The following KLHL14 variants were observed in gnomAD, a reference collection of about 807,000 sequenced individuals.
The protein encoded by KLHL14 is kelch like family member 14.
KLHL14 carries 22 observed loss-of-function variants against 64.3 expected under a neutral mutation model. The observed-to-expected ratio is 0.34, with a 90% CI of 0.24 to 0.49. KLHL14 has a LOEUF of 0.49. Among genes scored for constraint, KLHL14 ranks in the 20% least tolerant of loss-of-function variants. The probability of loss-of-function intolerance (pLI) is 0.99; values close to 1 mark genes in which losing one functional copy is unlikely to be tolerated. For synonymous variants in KLHL14, 322 were observed against 333.4 expected (o/e 0.97, Z 0.37); for missense variants, 661 against 789.0 (o/e 0.84, Z 1.94).
At chr18:32,704,544 G>A (rs755865791) in intron 3 of KLHL14, among the ~76,000 whole-genome samples, 18 of 152,020 alleles carry the variant, frequency 1.2e-4, no homozygotes, top group Non-Finnish European at 2.6e-4. Flanking sequence ...CTAACATGGT[G>A]AAACCCTGTC....
rs556523432 is a variant in KLHL14, at chr18:32,741,777, C to T, written c.1069+151G>A. On this transcript the variant is annotated intron_variant, in intron 3 of 8. Coordinates refer to ENST00000359358, the MANE Select transcript of KLHL14 (RefSeq NM_020805.3). ...TCTGCAATGTTAATTTAGTTTTTTA[C>T]TCTAAATCCCCGGTGATACATAAAC... 1.3e-5 allele frequency: 12 copies of T among 956,458 alleles called. No individual in the cohort carries two copies. In the East Asian group the frequency reaches 3.1e-4, roughly 25 times the overall value. The allele number at this position is 956,458 out of a possible 1,614,324, so 59.2% of individuals were successfully genotyped here.
chr18:32,737,667 G>A (rs543738391), intron 3 of KLHL14: 176 of 152,218 alleles, frequency 1.2e-3, no homozygotes, highest in African/African-American at 4.1e-3. Flanking sequence ...CCAGACACAG[G>A]ACCCCTCCTA....
rs202014983 is a variant in KLHL14, at chr18:32,699,551, G to A, written c.1070-3999C>T. Among the ~76,000 whole-genome samples the A allele has an allele frequency of 4.6e-5, 7 of 152,102 alleles. No homozygotes were observed. The East Asian group carries it at 1.2e-3, about 25-fold the overall frequency. ...AGTCACTTGTTGAAGGTCAGACTCA[G>A]GTACCGAACGGCAGAGATAGAATCC... On this transcript the variant is annotated intron_variant, in intron 3 of 8. Transcript: ENST00000359358.
Position 32,770,755 on chromosome 18 carries a change from A to C in KLHL14, c.-43-121T>G. On this transcript the variant is annotated intron_variant, in intron 1 of 8. Coordinates refer to ENST00000359358, the MANE Select transcript of KLHL14 (RefSeq NM_020805.3). This position sits in a 1 kb window ranked among gnomAD's most constrained non-coding sequence, Gnocchi z 6.7. ...GGGCGAAGAACAAGAATCAAGGCTC[A>C]GCTTGACTCCCTCCTGGCGCGCTCC... The C allele has an allele frequency of 1.6e-6, 1 of 611,722 alleles. No individual in the cohort carries two copies. The allele number at this position is 611,722 out of a possible 1,614,324, so 37.9% of individuals were successfully genotyped here.
intron 3 of KLHL14, among the ~76,000 whole-genome samples, chr18:32,708,162 A>C (rs2049999791): frequency 6.6e-6 from 1 of 152,160 alleles, no homozygotes; most frequent in African/African-American, 2.4e-5. Flanking sequence ...TTTCTGACAA[A>C]CTGCTTCTGG....
At chr18:32,688,939 T>A (rs1457081087) in intron 4 of KLHL14, among the ~76,000 whole-genome samples, 1 of 152,142 alleles carries the variant, frequency 6.6e-6, no homozygotes, top group Non-Finnish European at 1.5e-5. Context: ...GAGTTTTAAA[T>A]CTGTTGTGCA....
In KLHL14 at chr18:32,725,706, A is replaced by C. The variant is rs561046133; in HGVS notation, c.1069+16222T>G. Among the ~76,000 whole-genome samples the C allele has an allele frequency of 2.0e-5, 3 of 152,326 alleles. No individual in the cohort carries two copies. The South Asian group carries it at 6.2e-4, about 32-fold the overall frequency. On this transcript the variant is annotated intron_variant, in intron 3 of 8. Coordinates refer to ENST00000359358, the MANE Select transcript of KLHL14 (RefSeq NM_020805.3). ...ATCTGCCCTCATGTTGCTGACAGAG[A>C]AAGTGTTTCTTTTATATTCAGAATA...
In KLHL14 at chr18:32,769,825, T is replaced by C; in HGVS notation, c.767A>G (p.Tyr256Cys). Residue 256 changes from tyrosine to cysteine, a missense_variant, in exon 2 of 9, where the codon TAT becomes TGT. By Grantham distance (194) the Tyr-to-Cys change is radical. Coordinates refer to ENST00000359358, the MANE Select transcript of KLHL14 (RefSeq NM_020805.3). ...GAGGCGCTTCATGAGGTCAGGCGCA[T>C]ACTGCATGCGGGTCTCGCGGTCGTG... ...LEHDRETRMQ[Y>C]APDLMKRLRF... 4 of 1,613,660 alleles carry C rather than the reference T, an allele frequency of 2.5e-6. No individual in the cohort carries two copies. Among genetic ancestry groups the C allele is most frequent in the Middle Eastern group, 3.3e-4 (2 of 6,062 alleles).
At chr18:32,681,501 C>A (rs1478562599) in intron 5 of KLHL14, among the ~76,000 whole-genome samples, 1 of 152,000 alleles carries the variant, frequency 6.6e-6, no homozygotes, top group African/African-American at 2.4e-5. Context: ...AAACAGCAGT[C>A]AAAAATTGGG....
intron 3 of KLHL14, chr18:32,737,387 C>T (rs1425656779): frequency 6.6e-6 from 1 of 152,052 alleles, no homozygotes; most frequent in African/African-American, 2.4e-5. Context: ...AACAGAAGGG[C>T]CAAGGAAAGA....
chr18:32,721,744 T>TA (rs1346812328), intron 3 of KLHL14, among the ~76,000 whole-genome samples: 1 of 152,172 alleles, frequency 6.6e-6, no homozygotes, highest in African/African-American at 2.4e-5. Context: ...TTCTCCAGTG[T>TA]AAACAAAGTT....
rs752484932 is a variant in KLHL14 at position 32,695,569 on chromosome 18, A to C, written c.1070-17T>G. 7 of 1,517,142 alleles carry C rather than the reference A, an allele frequency of 4.6e-6. No homozygotes were observed. The East Asian group carries it at 1.6e-4, about 34-fold the overall frequency. 94.0% of individuals were successfully genotyped at this position (1,517,142 alleles called of 1,614,324 possible). A position where few individuals can be genotyped will look rare whatever the true frequency, so the allele number is the denominator to read the frequency against. On this transcript the variant is annotated splice_polypyrimidine_tract_variant and intron_variant, in intron 3 of 8. Coordinates refer to ENST00000359358, the MANE Select transcript of KLHL14 (RefSeq NM_020805.3). ...ATGGCATAACTGAAATTAAGAAAAA[A>C]AAAAAAGACATATGAAATTTTCCAT...
intron 4 of KLHL14, among the ~76,000 whole-genome samples, chr18:32,692,558 T>C (rs1366466238): frequency 6.6e-6 from 1 of 152,214 alleles, no homozygotes; most frequent in Non-Finnish European, 1.5e-5. Context: ...CTCTTCACAG[T>C]TTTTAAAATG....
At chr18:32,763,972 C>T (rs1209032625) in intron 2 of KLHL14, among the ~76,000 whole-genome samples, 1 of 152,116 alleles carries the variant, frequency 6.6e-6, no homozygotes, top group Non-Finnish European at 1.5e-5. Context: ...AGAAGGCAGG[C>T]AGGATCTATA....
rs188595043 is a variant in KLHL14, at chr18:32,738,219, T to A, written c.1069+3709A>T. 7.2e-5 allele frequency: 11 copies of A among 152,150 alleles called. 1 individual carries two copies. Among genetic ancestry groups the A allele is most frequent in the Admixed American group, 6.6e-4 (10 of 15,266 alleles). The allele number at this position is 152,150 out of a possible 1,614,324, so 9.4% of individuals were successfully genotyped here. ...CATGTGGACTTCATAAAAACTTTGATATAAAAGAAATCTATTATCAAAAGT... is the reference window on the plus strand; with the variant it reads ...CATGTGGACTTCATAAAAACTTTGAAATAAAAGAAATCTATTATCAAAAGT... On this transcript the variant is annotated intron_variant, in intron 3 of 8. Coordinates refer to ENST00000359358, the MANE Select transcript of KLHL14 (RefSeq NM_020805.3).
At chr18:32,691,662 G>A (rs775127077) in intron 4 of KLHL14, among the ~76,000 whole-genome samples, 1 of 152,158 alleles carries the variant, frequency 6.6e-6, no homozygotes, top group Non-Finnish European at 1.5e-5. Context: ...GGAAGAATGA[G>A]TGTGGTAGAG....
chr18:32,714,007 C>T (rs924038126), intron 3 of KLHL14, among the ~76,000 whole-genome samples: 2 of 151,646 alleles, frequency 1.3e-5, no homozygotes, highest in East Asian at 1.9e-4. Context: ...TTTGCATGTT[C>T]CTGCATGAGA....
intron 3 of KLHL14, among the ~76,000 whole-genome samples, chr18:32,699,011 T>C (rs9947074): frequency 0.025 from 3,743 of 152,262 alleles, 146 homozygotes; most frequent in African/African-American, 0.085. Flanking sequence ...GAAATAGATG[T>C]TAGCAATCGT....
At position 32,769,739 on chromosome 18, in the gene KLHL14, G is replaced by A. The variant is rs759180348; in HGVS notation, c.853C>T (p.Arg285Ter). 1.2e-6 allele frequency: 2 copies of A among 1,600,386 alleles called. No individual in the cohort carries two copies. The highest frequency in any genetic ancestry group is 1.7e-6 in the Non-Finnish European group (2 of 1,171,680). ...VERVQSVDFM[R>*]TDPVCQKLLL... ...AGCTTCTGGCAGACCGGGTCGGTTC[G>A]CATGAAATCCACTGACTGGACCCGC... Residue 285 changes from arginine to a stop codon, truncating the protein, a stop_gained, in exon 2 of 9, where the codon CGA becomes TGA. Coordinates refer to ENST00000359358, the MANE Select transcript of KLHL14 (RefSeq NM_020805.3). LOFTEE classifies it high-confidence loss of function.
Sources: gnomAD v4.1 joint callset for allele counts (sites outside exome capture counted in the v4.1 genomes callset) on GRCh38, gnomAD v4.1.1 for gene constraint, Gnocchi (gnomAD v3.1) non-coding constraint, MANE v1.5 for transcripts, NCBI Gene and HGNC (gene_info 2026-07-23, HGNC 2026-07-21) for gene names.